FAM91A1: variants seen among roughly 807,000 people sequenced by gnomAD.
FAM91A1 encodes the protein family with sequence similarity 91 member A1, also known as protein FAM91A1.
FAM91A1 carries 41 observed loss-of-function variants against 113.5 expected under a neutral mutation model. The observed-to-expected ratio is 0.36, with a 90% CI of 0.28 to 0.47. The LOEUF is 0.47. Ranked by LOEUF, FAM91A1 falls within the 20% of genes least tolerant of loss-of-function variation. The pLI is 1.00. For synonymous variants in FAM91A1, 307 were observed against 347.9 expected (o/e 0.88, Z 1.31); for missense variants, 696 against 1,001.2 (o/e 0.70, Z 4.11).
intron 1 of FAM91A1, 59 bp from the exon 2 acceptor site, chr8:123,774,021 A>G: frequency 7.2e-7 from 1 of 1,380,302 alleles, no homozygotes; most frequent in African/African-American, 1.5e-5. Context: ...GTTATGGGAA[A>G]AAATAGTACT....
At chr8:123,805,052 C>T (rs192578392) in intron 18 of FAM91A1, among the ~76,000 whole-genome samples, 8 of 152,142 alleles carry the variant, frequency 5.3e-5, no homozygotes, top group African/African-American at 1.9e-4. Flanking sequence ...TTTGCATTGG[C>T]CTATACATTC....
chr8:123,809,863 A>G lies in FAM91A1; in HGVS notation c.2262-419A>G, dbSNP rs1487851732. On this transcript the variant is annotated intron_variant, in intron 22 of 23. Transcript: ENST00000334705. ...TTTTACTGACTTACATATTTGAAAA[A>G]TATTTAGGTAGGTTGGTGTGTGTTT... Among the ~76,000 whole-genome samples, 4 of 152,180 alleles carry G rather than the reference A, an allele frequency of 2.6e-5. No homozygotes were observed. In the East Asian group the frequency reaches 7.7e-4, roughly 29 times the overall value.
chr8:123,784,258 A>G (rs1815196460), intron 8 of FAM91A1, among the ~76,000 whole-genome samples: 1 of 152,180 alleles, frequency 6.6e-6, no homozygotes, highest in Non-Finnish European at 1.5e-5. Flanking sequence ...GGTGAATTAA[A>G]TGAACTCTGT....
At chr8:123,806,325 T>C in intron 20 of FAM91A1, 96 bp downstream of exon 20, 1 of 1,226,678 alleles carries the variant, frequency 8.2e-7, no homozygotes, top group Non-Finnish European at 1.1e-6. Context: ...GTGGGGATGC[T>C]GAATTATTGA....
intron 9 of FAM91A1, 167 bp from the exon 10 acceptor site, chr8:123,784,914 A>G: frequency 1.9e-6 from 1 of 518,392 alleles, no homozygotes; most frequent in Non-Finnish European, 3.3e-6. Flanking sequence ...TACTATAAGG[A>G]TCTTAGAGAT....
At chr8:123,773,744 A>C (rs1814913993) in intron 1 of FAM91A1, among the ~76,000 whole-genome samples, 1 of 152,208 alleles carries the variant, frequency 6.6e-6, no homozygotes, top group Non-Finnish European at 1.5e-5. Flanking sequence ...TTAATATAGC[A>C]GTCAGGAAGG....
At chr8:123,802,152 T>C (rs1040267322) in intron 18 of FAM91A1, among the ~76,000 whole-genome samples, 3 of 152,046 alleles carry the variant, frequency 2.0e-5, no homozygotes, top group Non-Finnish European at 2.9e-5. Flanking sequence ...TGGGATGATA[T>C]TGAGAATGGG....
At chr8:123,810,461 T>G in intron 23 of FAM91A1, 110 bp downstream of exon 23, 1 of 1,003,052 alleles carries the variant, frequency 1.0e-6, no homozygotes, top group Non-Finnish European at 1.6e-6. Context: ...AAATAAACAT[T>G]AATTTTATTG....
intron 1 of FAM91A1, among the ~76,000 whole-genome samples, chr8:123,771,482 TA>T (rs1400807855): frequency 6.6e-6 from 1 of 152,166 alleles, no homozygotes; most frequent in African/African-American, 2.4e-5. Context: ...TTTAGATTTT[TA>T]AAAAATGTAT....
chr8:123,799,808 G>T lies in FAM91A1; in HGVS notation c.1732G>T (p.Asp578Tyr). 1.2e-6 allele frequency: 2 copies of T among 1,610,328 alleles called. No individual in the cohort carries two copies. Among genetic ancestry groups the T allele is most frequent in the Non-Finnish European group, 1.7e-6 (2 of 1,177,124 alleles). ...DRLLITSWGH[D>Y]PGVVPTSNVL... is the part of the protein sequence containing the mutation. Reference sequence around the variant, plus strand: ...ATTGCTAATAACATCTTGGGGTCATGATCCTGGAGTAGTTCCTACCTCAAA... The same window carrying T: ...ATTGCTAATAACATCTTGGGGTCATTATCCTGGAGTAGTTCCTACCTCAAA... The change falls in exon 18 of 24, where the codon GAT becomes TAT. Residue 578 changes from aspartate (D) to tyrosine (Y), a missense_variant. By Grantham distance (160) the Asp-to-Tyr change is radical. Transcript: ENST00000334705.
rs775726779 is a variant in FAM91A1, at chr8:123,785,074, C to T, written c.811-7C>T. 1.3e-6 allele frequency: 2 copies of T among 1,581,246 alleles called. No homozygotes were observed. The highest frequency in any genetic ancestry group is 4.6e-5 in the East Asian group (2 of 43,776). On this transcript the variant is annotated splice_polypyrimidine_tract_variant and splice_region_variant and intron_variant, in intron 9 of 23. Transcript: ENST00000334705. ...ATGTAAAAATAAATTTTAATTTTAT[C>T]TTCTAGCTTGCAAATGTCCTTGAGA...
intron 18 of FAM91A1, 93 bp from the exon 19 acceptor site, chr8:123,805,174 T>C: frequency 1.0e-6 from 1 of 974,172 alleles, no homozygotes; most frequent in East Asian, 2.6e-5. Flanking sequence ...ATATGGAATA[T>C]ACCATTACAT....
At position 123,812,511 on chromosome 8, in the gene FAM91A1, T is replaced by A; in HGVS notation, c.2332-8T>A. 1 of 1,570,180 alleles carries A rather than the reference T, an allele frequency of 6.4e-7. No homozygotes were observed. Among genetic ancestry groups the A allele is most frequent in the Non-Finnish European group, 8.6e-7 (1 of 1,163,588 alleles). Reference sequence around the variant, plus strand: ...GAATATCATTTCTCTTGTTTCTTGATCTTTTAGGAAGGTGCTTCAATATTG... The same window carrying A: ...GAATATCATTTCTCTTGTTTCTTGAACTTTTAGGAAGGTGCTTCAATATTG... On this transcript the variant is annotated splice_region_variant and splice_polypyrimidine_tract_variant and intron_variant, in intron 23 of 23. Transcript: ENST00000334705.
At chr8:123,780,387 A>G in intron 7 of FAM91A1, 93 bp from the exon 8 acceptor site, 2 of 964,986 alleles carry the variant, frequency 2.1e-6, no homozygotes, top group Non-Finnish European at 3.1e-6. Flanking sequence ...ATTCATTTGT[A>G]AGAATCTTTA....
intron 23 of FAM91A1, among the ~76,000 whole-genome samples, 181 bp from the exon 24 acceptor site, chr8:123,812,338 G>A (rs1298095455): frequency 6.6e-6 from 1 of 152,070 alleles, no homozygotes; most frequent in African/African-American, 2.4e-5. Context: ...AGTCATTTTT[G>A]CACATATTAA....
intron 10 of FAM91A1, 30 bp from the exon 11 acceptor site, chr8:123,785,599 G>A (rs1360536414): frequency 6.5e-6 from 9 of 1,387,278 alleles, no homozygotes; most frequent in Non-Finnish European, 9.1e-6. Context: ...TATTTTAAAT[G>A]GTAATTAGTT....
At chr8:123,787,597 T>C (rs1815290078) in intron 13 of FAM91A1, 67 bp from the exon 14 acceptor site, 2 of 1,271,668 alleles carry the variant, frequency 1.6e-6, no homozygotes, top group Non-Finnish European at 2.2e-6. Context: ...ATAATATAAA[T>C]ATTTGATAGT....
chr8:123,792,105 G>A (rs2130109359), intron 15 of FAM91A1, among the ~76,000 whole-genome samples: 1 of 152,262 alleles, frequency 6.6e-6, no homozygotes, highest in Middle Eastern at 3.4e-3. Flanking sequence ...AACCTGGGAG[G>A]CTGAGGTTGC....
intron 2 of FAM91A1, among the ~76,000 whole-genome samples, chr8:123,774,871 G>C (rs1458963440): frequency 6.6e-6 from 1 of 152,112 alleles, no homozygotes; most frequent in East Asian, 1.9e-4. Context: ...GCTCTGTTTT[G>C]TACCTTTTTG....
Sources: gnomAD v4.1 joint callset for allele counts (sites outside exome capture counted in the v4.1 genomes callset) on GRCh38, gnomAD v4.1.1 for gene constraint, MANE v1.5 for transcripts, NCBI Gene and HGNC (gene_info 2026-07-23, HGNC 2026-07-21) for gene names.